Variants in NWD1 observed in about 807,000 individuals in gnomAD.
NWD1 encodes the protein NACHT and WD repeat domain containing 1, also known as NACHT domain- and WD repeat-containing protein 1.
Under a neutral mutation model 135.1 loss-of-function variants are expected in NWD1, and 129 were observed. The ratio of observed to expected loss-of-function variants is 0.96; its 90% CI spans 0.83 to 1.11. The LOEUF is 1.11. Among genes scored for constraint, NWD1 ranks in the 50% least tolerant of loss-of-function variants. The pLI is 0.00. For missense variants in NWD1, 1,740 were observed against 1,851.3 expected, an observed-to-expected ratio of 0.94 and a Z score of 1.10; for synonymous variants, 773 against 786.0, an observed-to-expected ratio of 0.98 and a Z score of 0.28.
intron 4 of NWD1, among the ~76,000 whole-genome samples, chr19:16,739,855 T>G (rs542071781): frequency 1.5e-3 from 235 of 152,332 alleles, no homozygotes; most frequent in Non-Finnish European, 2.3e-3. Context: ...TGTTCCTATT[T>G]CCCTTGCTCT....
intron 8 of NWD1, 138 bp downstream of exon 8, chr19:16,762,276 C>T: frequency 1.5e-6 from 1 of 666,680 alleles, no homozygotes; most frequent in East Asian, 2.8e-5. Context: ...CAAGATGTCC[C>T]TTCTACTGTC....
At chr19:16,814,114 A>G (rs1216815341) in intron 18 of NWD1, among the ~76,000 whole-genome samples, 1 of 152,110 alleles carries the variant, frequency 6.6e-6, no homozygotes, top group Non-Finnish European at 1.5e-5. Context: ...GAGCCATGAT[A>G]GCACCATTGC....
intron 3 of NWD1, among the ~76,000 whole-genome samples, chr19:16,733,204 G>A (rs974872127): frequency 2.0e-5 from 3 of 151,320 alleles, no homozygotes; most frequent in Admixed American, 1.3e-4. Context: ...CTGGGTGCCA[G>A]ATTGGGATGC....
At chr19:16,763,793 G>C (rs532519715) in intron 8 of NWD1, 35 bp from the exon 9 acceptor site, 1 of 1,312,146 alleles carries the variant, frequency 7.6e-7, no homozygotes, top group African/African-American at 1.4e-5. Context: ...GAATGGGTTT[G>C]TGTCCAAGCT....
intron 11 of NWD1, among the ~76,000 whole-genome samples, chr19:16,778,176 G>T (rs1969723134): frequency 6.6e-6 from 1 of 152,116 alleles, no homozygotes. Flanking sequence ...TGTGGAAGAG[G>T]CACACAGAAG....
intron 6 of NWD1, 93 bp from the exon 7 acceptor site, chr19:16,759,132 G>T: frequency 2.0e-6 from 2 of 992,372 alleles, no homozygotes; most frequent in East Asian, 4.8e-5. Context: ...GACACCGCGC[G>T]GGTGGCTGTA....
chr19:16,769,739 G>C (rs1366903376), intron 10 of NWD1, among the ~76,000 whole-genome samples: 1 of 152,186 alleles, frequency 6.6e-6, no homozygotes, highest in Non-Finnish European at 1.5e-5. Context: ...GAGAAGCCTT[G>C]TCTGGCCACC....
intron 17 of NWD1, among the ~76,000 whole-genome samples, chr19:16,804,155 G>A (rs2123119166): frequency 6.6e-6 from 1 of 152,224 alleles, no homozygotes; most frequent in Non-Finnish European, 1.5e-5. Context: ...GGAAAGGGTT[G>A]AGCAAGAATG....
chr19:16,743,005 C>G (rs770205065), intron 4 of NWD1, among the ~76,000 whole-genome samples: 1 of 148,542 alleles, frequency 6.7e-6, no homozygotes, highest in Non-Finnish European at 1.5e-5. Context: ...CTTCGCCTCC[C>G]GGCTTCAAGC....
At chr19:16,730,469 T>C (rs138959060) in intron 2 of NWD1, among the ~76,000 whole-genome samples, 206 of 152,286 alleles carry the variant, frequency 1.4e-3, no homozygotes, top group South Asian at 5.0e-3. Context: ...ATCCCAGTGC[T>C]TTGAGAGGCC....
chr19:16,776,773 T>TAAAAA (rs554653148), intron 11 of NWD1, among the ~76,000 whole-genome samples: 2 of 66,462 alleles, frequency 3.0e-5, no homozygotes, highest in Admixed American at 1.7e-4. Flanking sequence ...TACAAAAAGT[T>TAAAAA]AAAAAAAAAA....
intron 12 of NWD1, among the ~76,000 whole-genome samples, chr19:16,788,231 AAAATAAT>A (rs1970116256): frequency 1.1e-5 from 1 of 90,230 alleles, no homozygotes; most frequent in Non-Finnish European, 2.1e-5. Flanking sequence ...ACTTCATCTC[AAAATAAT>A]AATAATAATA....
At chr19:16,738,805 C>CATTATA (rs1967956035) in intron 4 of NWD1, among the ~76,000 whole-genome samples, 16 of 123,514 alleles carry the variant, frequency 1.3e-4, no homozygotes, top group South Asian at 2.4e-4. Flanking sequence ...ATATAACATA[C>CATTATA]TATTATATGT....
At chr19:16,760,296 C>G (rs900535195) in intron 7 of NWD1, among the ~76,000 whole-genome samples, 7 of 131,084 alleles carry the variant, frequency 5.3e-5, no homozygotes, top group African/African-American at 2.1e-4. Context: ...GACAGGGTCT[C>G]GCCCAGGCTG....
intron 17 of NWD1, among the ~76,000 whole-genome samples, chr19:16,804,238 C>G (rs902953127): frequency 2.0e-5 from 3 of 152,088 alleles, no homozygotes; most frequent in Admixed American, 2.0e-4. Context: ...CAGTCTTAGT[C>G]AATTCCGGCC....
intron 6 of NWD1, among the ~76,000 whole-genome samples, chr19:16,751,219 G>A (rs1311986774): frequency 1.8e-5 from 2 of 112,958 alleles, no homozygotes; most frequent in Non-Finnish European, 3.5e-5. Context: ...AGCAAAACTC[G>A]ATCTCAAAAA....
intron 17 of NWD1, among the ~76,000 whole-genome samples, chr19:16,802,246 C>T (rs963264935): frequency 6.6e-5 from 10 of 151,618 alleles, no homozygotes; most frequent in African/African-American, 2.2e-4. Flanking sequence ...GCACTCCAGC[C>T]TGGGTGACAG....
chr19:16,722,434 C>T (rs1463045451), intron 1 of NWD1, among the ~76,000 whole-genome samples: 1 of 151,794 alleles, frequency 6.6e-6, no homozygotes, highest in Non-Finnish European at 1.5e-5. Context: ...GGATTACAGG[C>T]ATGAACCATC....
chr19:16,732,654 C>CAAAAAAAAAAAAAAAA (rs759471981), intron 3 of NWD1, among the ~76,000 whole-genome samples: 24 of 30,304 alleles, frequency 7.9e-4, no homozygotes, highest in African/African-American at 6.8e-3. Flanking sequence ...GACTTCATCT[C>CAAAAAAAAAAAAAAAA]AAAAAAAAAA....
Sources: allele counts gnomAD v4.1 joint callset (sites outside exome capture counted in the v4.1 genomes callset), GRCh38; gene constraint gnomAD v4.1.1; transcripts MANE v1.5; gene names NCBI Gene and HGNC (gene_info 2026-07-23, HGNC 2026-07-21).